The following WWC2 variants were observed in gnomAD, a reference collection of about 807,000 sequenced individuals.
WWC2 encodes protein WWC2.
Under a neutral mutation model 138.5 loss-of-function variants are expected in WWC2, and 101 were observed. The observed-to-expected ratio is 0.73, with a 90% CI of 0.62 to 0.86. The LOEUF is 0.86. Among genes scored for constraint, WWC2 ranks in the 40% least tolerant of loss-of-function variants. The probability of loss-of-function intolerance (pLI) is 0.00; values close to 1 mark genes in which losing one functional copy is unlikely to be tolerated. For missense variants in WWC2, 1,420 were observed against 1,419.4 expected (o/e 1.00, Z -0.01); for synonymous variants, 558 against 538.4 (o/e 1.04, Z -0.50).
chr4:183,216,347 G>GT (rs1421485689), intron 4 of WWC2, among the ~76,000 whole-genome samples: 1 of 152,196 alleles, frequency 6.6e-6, no homozygotes, highest in East Asian at 1.9e-4. Context: ...TGATTCAAGA[G>GT]TCGTCAGCTG....
chr4:183,132,610 C>T (rs1192108817), intron 1 of WWC2, among the ~76,000 whole-genome samples: 2 of 151,990 alleles, frequency 1.3e-5, no homozygotes, highest in East Asian at 3.9e-4. Context: ...CCCGCTACCA[C>T]GCCCGGCTAA....
chr4:183,191,417 C>T (rs1366213601), intron 1 of WWC2, among the ~76,000 whole-genome samples: 2 of 152,088 alleles, frequency 1.3e-5, no homozygotes, highest in Non-Finnish European at 2.9e-5. Context: ...TACCATTTCT[C>T]GGGTGTTATA....
rs1053685088 is a variant in WWC2, at chr4:183,317,258, A to G, written c.*1529A>G. On this transcript the variant is annotated 3_prime_UTR_variant, in exon 23 of 23. Transcript: ENST00000403733. The stretch of plus-strand genomic sequence containing the variant: ...TATTTTCTTGAAAGCAATTATATAT[A>G]TTTTGGAAAGTTCATGTTATTGGAA... 2.0e-5 allele frequency: 3 copies of G among 152,172 alleles called. No individual in the cohort carries two copies. 9.4% of individuals were successfully genotyped at this position (152,172 alleles called of 1,614,324 possible).
intron 5 of WWC2, among the ~76,000 whole-genome samples, chr4:183,244,058 A>C (rs925797927): frequency 6.6e-6 from 1 of 152,112 alleles, no homozygotes; most frequent in Non-Finnish European, 1.5e-5. Flanking sequence ...TAATTATTAA[A>C]TGTTTTAAAC....
At chr4:183,138,197 C>T (rs1319795764) in intron 1 of WWC2, among the ~76,000 whole-genome samples, 1 of 152,090 alleles carries the variant, frequency 6.6e-6, no homozygotes, top group African/African-American at 2.4e-5. Flanking sequence ...TTCACCCTCC[C>T]CCTATAACCT....
intron 8 of WWC2, among the ~76,000 whole-genome samples, chr4:183,251,233 A>C (rs1454988032): frequency 6.6e-6 from 1 of 152,162 alleles, no homozygotes; most frequent in African/African-American, 2.4e-5. Flanking sequence ...TTGAGGATCA[A>C]CTTCTGGTTT....
intron 10 of WWC2, among the ~76,000 whole-genome samples, chr4:183,260,628 CA>C (rs1737293098): frequency 6.6e-6 from 1 of 152,158 alleles, no homozygotes; most frequent in Non-Finnish European, 1.5e-5. Context: ...TAGGCTATAC[CA>C]CATAGCTTGG....
chr4:183,203,240 A>G (rs4639121), intron 2 of WWC2, among the ~76,000 whole-genome samples: 139,897 of 151,236 alleles, frequency 0.93, 65,707 homozygotes, highest in Non-Finnish European at 1. Flanking sequence ...GTACATTCCA[A>G]TATGGAATCA....
At chr4:183,268,730 G>T (rs1325168403) in intron 14 of WWC2, among the ~76,000 whole-genome samples, 4 of 152,166 alleles carry the variant, frequency 2.6e-5, no homozygotes, top group African/African-American at 9.7e-5. Context: ...TGCCTTTGCT[G>T]CAGTCTCGTG....
chr4:183,102,212 C>A (rs1743202817), intron 1 of WWC2, among the ~76,000 whole-genome samples: 1 of 152,168 alleles, frequency 6.6e-6, no homozygotes, highest in African/African-American at 2.4e-5. Flanking sequence ...CTCCATTTTT[C>A]AGCTCTAAAA....
chr4:183,099,625 G>C lies in WWC2; in HGVS notation c.131+3G>C, dbSNP rs1224578553. ...AGCTGGATCGACCCCCGGGACAGGT[G>C]GGCGCCGGCCGCGGGGGCGCGGGCC... On this transcript the variant is annotated splice_donor_region_variant and intron_variant, in intron 1 of 22. Transcript: ENST00000403733. 1.2e-5 allele frequency: 16 copies of C among 1,336,758 alleles called. No homozygotes were observed. The highest frequency in any genetic ancestry group is 1.6e-5 in the Non-Finnish European group (16 of 1,027,202). The allele number at this position is 1,336,758 out of a possible 1,614,324, so 82.8% of individuals were successfully genotyped here. A position where few individuals can be genotyped will look rare whatever the true frequency, so the allele number is the denominator to read the frequency against.
At chr4:183,200,217 T>C (rs367996176) in intron 2 of WWC2, among the ~76,000 whole-genome samples, 14 of 39,772 alleles carry the variant, frequency 3.5e-4, no homozygotes, top group East Asian at 1.1e-3. Flanking sequence ...TATTGCCCTT[T>C]ATTCATTTAA....
At position 183,232,847 on chromosome 4, in the gene WWC2, T is replaced by C. The variant is rs147754502; in HGVS notation, c.523-7336T>C. Among the ~76,000 whole-genome samples, 729 of 151,990 alleles carry C rather than the reference T, an allele frequency of 4.8e-3. 9 individuals are homozygous for C. Among genetic ancestry groups the C allele is most frequent in the African/African-American group, 0.016 (658 of 41,456 alleles). ...ATTTTTAGTAAAGACAGGGTTTTGCTATGTTGGTCAGGCTGGTCTCGAACT... is the reference window on the plus strand; with the variant it reads ...ATTTTTAGTAAAGACAGGGTTTTGCCATGTTGGTCAGGCTGGTCTCGAACT... On this transcript the variant is annotated intron_variant, in intron 4 of 22. Transcript: ENST00000403733.
Position 183,249,958 on chromosome 4 carries a change from C to T in WWC2, c.918C>T (p.Val306=). The change falls in exon 8 of 23, where the codon GTC becomes GTT. Residue 306 remains valine, a synonymous_variant. Transcript: ENST00000403733. ...GTAGATCAAATTTAGCTGAAAAGGT[C>T]AGGCTAAGCCTACAGTATGAAGAAG... The part of the protein sequence containing the change: ...VRSRSNLAEK[V]RLSLQYEEAK... 6.2e-7 allele frequency: 1 copy of T among 1,613,728 alleles called. No individual in the cohort carries two copies. Among genetic ancestry groups the T allele is most frequent in the Non-Finnish European group, 8.5e-7 (1 of 1,179,798 alleles).
chr4:183,287,845 G>A lies in WWC2; in HGVS notation c.3142-1548G>A, dbSNP rs547385676. Among the ~76,000 whole-genome samples, 12 of 152,284 alleles carry A rather than the reference G, an allele frequency of 7.9e-5. No homozygotes were observed. In the South Asian group the frequency reaches 8.3e-4, roughly 11 times the overall value. ...GTGCTCGTCTCTTGCCAGTTAAATC[G>A]GAGTGACAGTGACATCACAGTCATA... On this transcript the variant is annotated intron_variant, in intron 20 of 22. Coordinates refer to ENST00000403733, the MANE Select transcript of WWC2 (RefSeq NM_024949.6).
intron 17 of WWC2, chr4:183,281,319 TTC>T: frequency 5.3e-6 from 1 of 189,208 alleles, no homozygotes; most frequent in Admixed American, 5.9e-5. Context: ...GAGTACTCAT[TTC>T]TCTGTTACCA....
At position 183,271,142 on chromosome 4, in the gene WWC2, T is replaced by C; in HGVS notation, c.2463T>C (p.Tyr821=). The C allele has an allele frequency of 6.2e-7, 1 of 1,613,268 alleles. No homozygotes were observed. The highest frequency in any genetic ancestry group is 8.5e-7 in the Non-Finnish European group (1 of 1,179,566). The part of the protein sequence containing the change: ...PFSSEVFTLW[Y]NLLPSKQMPC... ...CCAGTGAGGTTTTCACTCTATGGTA[T>C]AACTTGCTTCCTTCCAAGCAAATGC... The change falls in exon 16 of 23, where the codon TAT becomes TAC. Residue 821 remains tyrosine (Y), a synonymous_variant. Coordinates refer to ENST00000403733, the MANE Select transcript of WWC2 (RefSeq NM_024949.6).
chr4:183,123,015 C>A, intron 1 of WWC2, among the ~76,000 whole-genome samples: 1 of 152,128 alleles, frequency 6.6e-6, no homozygotes, highest in East Asian at 1.9e-4. Context: ...ATAGGCCTAA[C>A]AACATCAGGT....
intron 14 of WWC2, among the ~76,000 whole-genome samples, chr4:183,266,951 G>T (rs906526584): frequency 1.3e-5 from 2 of 151,906 alleles, no homozygotes; most frequent in African/African-American, 4.8e-5. Flanking sequence ...ATAATCATCA[G>T]AAAGAAGAAA....
Sources: allele counts gnomAD v4.1 joint callset (sites outside exome capture counted in the v4.1 genomes callset), GRCh38; gene constraint gnomAD v4.1.1; transcripts MANE v1.5; gene names NCBI Gene and HGNC (gene_info 2026-07-23, HGNC 2026-07-21).